Variants in DRC11 observed in about 807,000 individuals in gnomAD.
The protein encoded by DRC11 is dynein regulatory complex subunit 11, also known as IQ and AAA domain-containing protein 1.
At chr2:236,434,510 C>T in the DRC11 span, among the ~76,000 whole-genome samples, 5 of 152,112 alleles carry the variant, frequency 3.3e-5, no homozygotes, top group Admixed American at 2.0e-4. This position sits in a 1 kb window ranked among gnomAD's most constrained non-coding sequence, Gnocchi z 5.5. Flanking sequence ...GGGAGGTAGA[C>T]GTTGCTAGTA....
the DRC11 span, among the ~76,000 whole-genome samples, chr2:236,444,110 T>C: frequency 1.3e-5 from 2 of 152,192 alleles, no homozygotes; most frequent in African/African-American, 2.4e-5. Context: ...GATATATAGA[T>C]TGCAAAAATT....
the DRC11 span, among the ~76,000 whole-genome samples, chr2:236,487,076 G>A: frequency 4.3e-4 from 65 of 152,246 alleles, no homozygotes; most frequent in East Asian, 5.8e-3. Flanking sequence ...CAAAAACATT[G>A]TTAAAAAGAA....
chr2:236,377,706 A>C, the DRC11 span, among the ~76,000 whole-genome samples: 2 of 152,220 alleles, frequency 1.3e-5, no homozygotes, highest in Non-Finnish European at 2.9e-5. The surrounding 1 kb of genome is among the most constrained non-coding windows in gnomAD (Gnocchi z 4.9). Context: ...GTCTAAAGCA[A>C]TGAGGGTGAT....
chr2:236,467,972 C>A, the DRC11 span, among the ~76,000 whole-genome samples: 45 of 152,250 alleles, frequency 3.0e-4, no homozygotes, highest in African/African-American at 1.0e-3. Flanking sequence ...AATACAGTGT[C>A]CACTCACCCC....
the DRC11 span, among the ~76,000 whole-genome samples, chr2:236,439,746 C>T: frequency 6.6e-6 from 1 of 152,088 alleles, no homozygotes; most frequent in African/African-American, 2.4e-5. Flanking sequence ...GGGAAATATT[C>T]ACCAATCGTT....
chr2:236,387,352 T>C, the DRC11 span, among the ~76,000 whole-genome samples: 1 of 152,164 alleles, frequency 6.6e-6, no homozygotes, highest in Admixed American at 6.5e-5. Context: ...TGCTCCTGTA[T>C]TGGTGCATAT....
chr2:236,446,816 T>C, the DRC11 span, among the ~76,000 whole-genome samples: 1 of 152,246 alleles, frequency 6.6e-6, no homozygotes, highest in Non-Finnish European at 1.5e-5. The surrounding 1 kb of genome is among the most constrained non-coding windows in gnomAD (Gnocchi z 6.2). Flanking sequence ...TCTGCCCATG[T>C]GTCCCAGGGA....
At chr2:236,371,728 A>C in the DRC11 span, among the ~76,000 whole-genome samples, 1 of 152,202 alleles carries the variant, frequency 6.6e-6, no homozygotes, top group East Asian at 1.9e-4. The surrounding 1 kb of genome is among the most constrained non-coding windows in gnomAD (Gnocchi z 5.1). Flanking sequence ...GGAAGGGCTC[A>C]GGGGGAAAAC....
the DRC11 span, among the ~76,000 whole-genome samples, chr2:236,468,283 G>A: frequency 6.6e-6 from 1 of 151,934 alleles, no homozygotes. Context: ...GTAGAGATGG[G>A]GTCTTGCCAT....
At chr2:236,426,667 A>T in the DRC11 span, among the ~76,000 whole-genome samples, 1 of 152,146 alleles carries the variant, frequency 6.6e-6, no homozygotes, top group Non-Finnish European at 1.5e-5. The surrounding 1 kb of genome is among the most constrained non-coding windows in gnomAD (Gnocchi z 4.1). Context: ...TCAGCCTCCC[A>T]AAGTGCTGGG....
chr2:236,345,430 C>T, the DRC11 span, among the ~76,000 whole-genome samples: 1 of 152,296 alleles, frequency 6.6e-6, no homozygotes, highest in East Asian at 1.9e-4. Context: ...AAGAAACCCA[C>T]AGTTTTCTGC....
the DRC11 span, among the ~76,000 whole-genome samples, chr2:236,463,812 G>A: frequency 3.4e-4 from 52 of 152,332 alleles, no homozygotes; most frequent in African/African-American, 5.3e-4. The surrounding 1 kb of genome is among the most constrained non-coding windows in gnomAD (Gnocchi z 5.0). Flanking sequence ...GCTCAGCTGG[G>A]CGCCTCTGCT....
chr2:236,341,759 G>A, the DRC11 span, among the ~76,000 whole-genome samples: 2 of 152,206 alleles, frequency 1.3e-5, no homozygotes, highest in African/African-American at 2.4e-5. Context: ...TGTGTGGTGG[G>A]GAGAAGGCCC....
At chr2:236,422,193 G>C in the DRC11 span, among the ~76,000 whole-genome samples, 2 of 152,190 alleles carry the variant, frequency 1.3e-5, no homozygotes, top group African/African-American at 4.8e-5. Flanking sequence ...CATAGTATTG[G>C]AAGTTCTGGC....
the DRC11 span, among the ~76,000 whole-genome samples, chr2:236,456,170 A>C: frequency 6.6e-6 from 1 of 152,226 alleles, no homozygotes; most frequent in African/African-American, 2.4e-5. The surrounding 1 kb of genome is among the most constrained non-coding windows in gnomAD (Gnocchi z 5.4). Context: ...TAGGTTTAAC[A>C]TGATTACTGA....
the DRC11 span, among the ~76,000 whole-genome samples, chr2:236,362,807 C>T: frequency 2.3e-3 from 352 of 152,268 alleles, no homozygotes; most frequent in Non-Finnish European, 2.4e-3. The surrounding 1 kb of genome is among the most constrained non-coding windows in gnomAD (Gnocchi z 5.7). Context: ...CCTCTCTGAA[C>T]GCCTTCCTTA....
the DRC11 span, among the ~76,000 whole-genome samples, chr2:236,405,192 G>A: frequency 6.6e-6 from 1 of 152,090 alleles, no homozygotes; most frequent in Non-Finnish European, 1.5e-5. This position sits in a 1 kb window ranked among gnomAD's most constrained non-coding sequence, Gnocchi z 4.6. Context: ...CATGCTTCTG[G>A]AGGGGAGTGT....
At chr2:236,373,155 C>T in the DRC11 span, among the ~76,000 whole-genome samples, 1 of 151,304 alleles carries the variant, frequency 6.6e-6, no homozygotes, top group African/African-American at 2.4e-5. Context: ...ACATTTTCCC[C>T]TTTATTTATA....
chr2:236,323,391 G>C, the DRC11 span, among the ~76,000 whole-genome samples: 1 of 152,178 alleles, frequency 6.6e-6, no homozygotes, highest in South Asian at 2.1e-4. The surrounding 1 kb of genome is among the most constrained non-coding windows in gnomAD (Gnocchi z 6.4). Context: ...TAATGAGAAG[G>C]CAAGTCTGTG....
Sources: gnomAD v4.1 joint callset for allele counts (sites outside exome capture counted in the v4.1 genomes callset) on GRCh38, gnomAD v4.1.1 for gene constraint, Gnocchi (gnomAD v3.1) non-coding constraint, MANE v1.5 for transcripts, NCBI Gene and HGNC (gene_info 2026-07-23, HGNC 2026-07-21) for gene names.